Variants in XRCC6 observed in about 807,000 individuals in gnomAD.
XRCC6 encodes DNA repair protein Ku70.
Under a neutral mutation model 65.7 loss-of-function variants are expected in XRCC6, and 5 were observed. The ratio of observed to expected loss-of-function variants is 0.08; its 90% CI spans 0.04 to 0.16. XRCC6 has a LOEUF of 0.16. Ranked by LOEUF, XRCC6 falls within the 10% of genes least tolerant of loss-of-function variation. XRCC6 has a pLI of 1.00. For synonymous variants in XRCC6, 270 were observed against 270.6 expected, an observed-to-expected ratio of 1.00 and a Z score of 0.02; for missense variants, 447 against 738.1, an observed-to-expected ratio of 0.61 and a Z score of 4.57.
chr22:41,657,562 A>T (rs192296582), intron 10 of XRCC6, among the ~76,000 whole-genome samples: 1 of 149,830 alleles, frequency 6.7e-6, no homozygotes, highest in East Asian at 2.0e-4. Flanking sequence ...CTTGTCACCC[A>T]GGTTTGATTG....
chr22:41,627,744 C>T (rs1476301841), intron 2 of XRCC6, among the ~76,000 whole-genome samples: 1 of 151,968 alleles, frequency 6.6e-6, no homozygotes, highest in Non-Finnish European at 1.5e-5. Flanking sequence ...CATGGTGGCA[C>T]ACACCTGTAG....
intron 3 of XRCC6, among the ~76,000 whole-genome samples, chr22:41,630,613 G>A (rs2067730928): frequency 6.6e-6 from 1 of 151,524 alleles, no homozygotes; most frequent in African/African-American, 2.4e-5. Flanking sequence ...AGTGAACAAA[G>A]GTCTCTGGTT....
At chr22:41,643,599 T>A (rs1428309333) in intron 6 of XRCC6, among the ~76,000 whole-genome samples, 3 of 152,144 alleles carry the variant, frequency 2.0e-5, no homozygotes, top group East Asian at 1.9e-4. Context: ...GACGGGTGGA[T>A]CACCTGAGGT....
chr22:41,646,577 G>A (rs1352545262), intron 6 of XRCC6, among the ~76,000 whole-genome samples: 1 of 152,154 alleles, frequency 6.6e-6, no homozygotes, highest in Non-Finnish European at 1.5e-5. Flanking sequence ...TATTCAACCA[G>A]TAAGTACTAT....
At chr22:41,631,434 T>A (rs993818408) in intron 3 of XRCC6, among the ~76,000 whole-genome samples, 1 of 136,138 alleles carries the variant, frequency 7.3e-6, no homozygotes, top group Non-Finnish European at 1.6e-5. Flanking sequence ...GGGTGGAGGG[T>A]CTCCTCCCTT....
In XRCC6 at chr22:41,622,010, A is replaced by T; in HGVS notation, c.6A>T (p.Ser2=). Reference sequence around the variant, plus strand: ...CCTAGTGAGCAGTAGCCAACATGTCAGGGTGGGAGTCATATTACAAAACCG... The same window carrying T: ...CCTAGTGAGCAGTAGCCAACATGTCTGGGTGGGAGTCATATTACAAAACCG... M[S]GWESYYKTEG... is the part of the protein sequence containing the mutation. Residue 2 remains serine, a synonymous_variant, in exon 2 of 13, where the codon TCA becomes TCT. Coordinates refer to ENST00000360079, the MANE Select transcript of XRCC6 (RefSeq NM_001469.5). 6.2e-7 allele frequency: 1 copy of T among 1,614,242 alleles called. No individual in the cohort carries two copies.
At chr22:41,655,846 G>A (rs1399947273) in intron 9 of XRCC6, among the ~76,000 whole-genome samples, 1 of 151,594 alleles carries the variant, frequency 6.6e-6, no homozygotes, top group Non-Finnish European at 1.5e-5. Context: ...TTACCGACGT[G>A]AGCCACCATG....
chr22:41,646,395 T>C (rs531596818), intron 6 of XRCC6, among the ~76,000 whole-genome samples: 3 of 152,246 alleles, frequency 2.0e-5, no homozygotes, highest in African/African-American at 2.4e-5. Flanking sequence ...GTGATTGATA[T>C]AGTGCTGTGC....
At chr22:41,642,386 A>G (rs773059564) in intron 6 of XRCC6, among the ~76,000 whole-genome samples, 2 of 152,046 alleles carry the variant, frequency 1.3e-5, no homozygotes, top group African/African-American at 4.8e-5. Context: ...TGTCAGATGG[A>G]TAGTTTCCAG....
chr22:41,626,894 C>T (rs2147066666), intron 2 of XRCC6, among the ~76,000 whole-genome samples: 3 of 152,178 alleles, frequency 2.0e-5, no homozygotes, highest in Admixed American at 2.0e-4. Context: ...CGCGCCTCGG[C>T]CTCCCAAAGT....
chr22:41,630,521 T>C (rs970904776), intron 3 of XRCC6, among the ~76,000 whole-genome samples: 2 of 151,732 alleles, frequency 1.3e-5, no homozygotes, highest in African/African-American at 2.4e-5. Context: ...TTTTTTTTAT[T>C]GATCATTCTT....
chr22:41,656,877 A>C (rs1445385969), intron 9 of XRCC6, 26 bp from the exon 10 acceptor site: 1 of 1,611,706 alleles, frequency 6.2e-7, no homozygotes, highest in Non-Finnish European at 8.5e-7. Flanking sequence ...AAGTCAAATC[A>C]AAGAAAATTT....
intron 11 of XRCC6, among the ~76,000 whole-genome samples, chr22:41,659,437 A>G (rs2147117290): frequency 1.3e-5 from 2 of 152,026 alleles, no homozygotes; most frequent in South Asian, 4.2e-4. Context: ...CGATCTCCTG[A>G]CCTTGTGATC....
intron 6 of XRCC6, among the ~76,000 whole-genome samples, chr22:41,639,858 C>CCGTGT (rs1360430865): frequency 6.6e-6 from 1 of 150,766 alleles, no homozygotes; most frequent in Non-Finnish European, 1.5e-5. Context: ...GACGGTTTCA[C>CCGTGT]CGTGTTAGCC....
At chr22:41,623,052 T>A (rs1425259803) in intron 2 of XRCC6, among the ~76,000 whole-genome samples, 1 of 152,148 alleles carries the variant, frequency 6.6e-6, no homozygotes, top group Non-Finnish European at 1.5e-5. Context: ...TTTGTATTTT[T>A]CTTTCAAGTA....
chr22:41,651,418 T>G (rs2067995038), intron 8 of XRCC6, among the ~76,000 whole-genome samples: 3 of 105,072 alleles, frequency 2.9e-5, no homozygotes, highest in Admixed American at 1.3e-4. Flanking sequence ...GGAGATGGAG[T>G]TTTACTCTTG....
chr22:41,662,711 C>G (rs28384784), intron 12 of XRCC6, among the ~76,000 whole-genome samples: 2 of 152,140 alleles, frequency 1.3e-5, no homozygotes, highest in African/African-American at 4.8e-5. Context: ...GTGATTTACC[C>G]TCTATCCAAG....
intron 9 of XRCC6, among the ~76,000 whole-genome samples, chr22:41,656,666 T>C (rs1335180621): frequency 1.3e-5 from 2 of 152,196 alleles, no homozygotes; most frequent in African/African-American, 2.4e-5. Flanking sequence ...TCCCCAGGGA[T>C]AAGGGATCTA....
At chr22:41,661,630 TG>T in intron 12 of XRCC6, 186 bp downstream of exon 12, 1 of 564,738 alleles carries the variant, frequency 1.8e-6, no homozygotes, top group Non-Finnish European at 3.1e-6. Context: ...CATACACTGT[TG>T]GTGGGAATGT....
Sources: gnomAD v4.1 joint callset for allele counts (sites outside exome capture counted in the v4.1 genomes callset) on GRCh38, gnomAD v4.1.1 for gene constraint, MANE v1.5 for transcripts, NCBI Gene and HGNC (gene_info 2026-07-23, HGNC 2026-07-21) for gene names.